Variants in PLEKHG1 observed in about 807,000 individuals in gnomAD.
PLEKHG1 encodes pleckstrin homology and RhoGEF domain containing G1, also known as pleckstrin homology domain-containing family G member 1.
In PLEKHG1, 44 loss-of-function variants were observed where a neutral mutation model predicts 100.8. The ratio of observed to expected loss-of-function variants is 0.44; its 90% CI spans 0.34 to 0.56. The LOEUF (loss-of-function observed/expected upper bound fraction) is 0.56. Among genes scored for constraint, PLEKHG1 ranks in the 20% least tolerant of loss-of-function variants. The probability of loss-of-function intolerance (pLI) is 0.01; values close to 1 mark genes in which losing one functional copy is unlikely to be tolerated. For missense variants in PLEKHG1, 1,545 were observed against 1,720.9 expected (o/e 0.90, Z 1.81); for synonymous variants, 640 against 662.5 (o/e 0.97, Z 0.52).
chr6:150,656,078 C>T (rs1778958211), intron 3 of PLEKHG1, among the ~76,000 whole-genome samples: 1 of 151,496 alleles, frequency 6.6e-6, no homozygotes, highest in Non-Finnish European at 1.5e-5. Context: ...CACATGTATC[C>T]CAGAACTTAA....
Position 150,683,172 on chromosome 6 carries a change from G to A in PLEKHG1, c.-99+32386G>A, listed in dbSNP as rs978170468. On this transcript the variant is annotated intron_variant, in intron 3 of 3. Coordinates refer to the PLEKHG1 transcript ENST00000367326. This position sits in a 1 kb window ranked among gnomAD's most constrained non-coding sequence, Gnocchi z 4.0. ...ATGGCCCGAGTCAACCTTATCCTCT[G>A]TAGAGGGCAGATGGGGACAGTATTT... 1.3e-4 allele frequency among the ~76,000 whole-genome samples: 20 copies of A among 152,230 alleles called. No individual in the cohort carries two copies. The highest frequency in any genetic ancestry group is 2.9e-4 in the Non-Finnish European group (20 of 68,050).
chr6:150,610,637 C>G (rs1049338140), intron 1 of PLEKHG1, among the ~76,000 whole-genome samples: 3 of 152,058 alleles, frequency 2.0e-5, no homozygotes, highest in Admixed American at 6.5e-5. Context: ...AAAAAAAGAG[C>G]AGGAAAAGGA....
chr6:150,672,264 T>C (rs1015773484), intron 3 of PLEKHG1, among the ~76,000 whole-genome samples: 6 of 152,198 alleles, frequency 3.9e-5, no homozygotes, highest in African/African-American at 1.4e-4. Flanking sequence ...CCTCCTTCTC[T>C]CTATATAGTG....
chr6:150,734,356 T>C (rs1782454308), intron 2 of PLEKHG1, among the ~76,000 whole-genome samples: 1 of 152,308 alleles, frequency 6.6e-6, no homozygotes, highest in Admixed American at 6.5e-5. Context: ...TAATAAATCC[T>C]ACACCCCAGA....
intron 2 of PLEKHG1, among the ~76,000 whole-genome samples, chr6:150,766,128 C>G (rs1431779534): frequency 6.6e-6 from 1 of 152,192 alleles, no homozygotes; most frequent in African/African-American, 2.4e-5. Flanking sequence ...CACAGAACAT[C>G]ATTCAAATGG....
At position 150,763,024 on chromosome 6, in the gene PLEKHG1, CTT is replaced by C. The variant is rs60462437; in HGVS notation, c.412-5595_412-5594del. Among the ~76,000 whole-genome samples the C allele has an allele frequency of 3.7e-4, 28 of 76,502 alleles. 1 individual carries two copies. The highest frequency in any genetic ancestry group is 1.5e-3 in the African/African-American group (22 of 14,470). The allele number at this position is 76,502 out of a possible 152,430, so 50.2% of individuals were successfully genotyped here. ...AGCACCAACAGGAGGGATAAAGCTT[CTT>C]TTTTTTTTTTTTTTTTTTGAGACGG... On this transcript the variant is annotated intron_variant, in intron 2 of 15. Transcript: ENST00000358517.
In PLEKHG1 at chr6:150,821,375, G is replaced by A. The variant is rs534120097; in HGVS notation, c.1447+142G>A. ...AAAAGATTAACTTCTGTAAATAAAA[G>A]TGTCCCATTATAAAATATATAGTCA... On this transcript the variant is annotated intron_variant, in intron 13 of 15. Transcript: ENST00000358517. 5.5e-5 allele frequency: 37 copies of A among 675,964 alleles called. No homozygotes were observed. In the African/African-American group the frequency reaches 6.2e-4, roughly 11 times the overall value. 41.9% of individuals were successfully genotyped at this position (675,964 alleles called of 1,614,324 possible).
intron 14 of PLEKHG1, among the ~76,000 whole-genome samples, chr6:150,824,101 C>T (rs1418658343): frequency 2.6e-5 from 4 of 152,230 alleles, no homozygotes; most frequent in Non-Finnish European, 5.9e-5. Context: ...GAGGGGCCCC[C>T]TTCTAAGAAT....
intron 4 of PLEKHG1, among the ~76,000 whole-genome samples, chr6:150,789,381 AC>A (rs1437080185): frequency 6.6e-6 from 1 of 152,196 alleles, no homozygotes; most frequent in Non-Finnish European, 1.5e-5. Context: ...GGAGCTGTTG[AC>A]TTTTATGTGA....
At chr6:150,837,233 G>T (rs1777275933) in intron 15 of PLEKHG1, among the ~76,000 whole-genome samples, 1 of 150,492 alleles carries the variant, frequency 6.6e-6, no homozygotes, top group African/African-American at 2.5e-5. Flanking sequence ...AATTGTGTGT[G>T]TCTGCATGTG....
At chr6:150,618,163 ATG>A (rs1777147162) in intron 1 of PLEKHG1, among the ~76,000 whole-genome samples, 1 of 152,226 alleles carries the variant, frequency 6.6e-6, no homozygotes, top group Non-Finnish European at 1.5e-5. Flanking sequence ...TAATAGGTGA[ATG>A]TAGTTTTGAC....
chr6:150,753,853 G>C (rs901491328), intron 2 of PLEKHG1, among the ~76,000 whole-genome samples: 1 of 152,226 alleles, frequency 6.6e-6, no homozygotes. Context: ...TCAAGATTCT[G>C]TACAGCCCTC....
At chr6:150,735,389 C>T (rs1458357193) in intron 2 of PLEKHG1, among the ~76,000 whole-genome samples, 1 of 152,166 alleles carries the variant, frequency 6.6e-6, no homozygotes, top group African/African-American at 2.4e-5. Flanking sequence ...TAGACATTGA[C>T]TCTAGAGTAT....
chr6:150,645,510 T>G (rs1304388243), intron 2 of PLEKHG1, among the ~76,000 whole-genome samples: 1 of 152,188 alleles, frequency 6.6e-6, no homozygotes, highest in Non-Finnish European at 1.5e-5. Flanking sequence ...ATAACAGACC[T>G]ATGGATTTAT....
chr6:150,832,860 T>C (rs1340631597), intron 15 of PLEKHG1, among the ~76,000 whole-genome samples: 1 of 151,514 alleles, frequency 6.6e-6, no homozygotes, highest in Non-Finnish European at 1.5e-5. Flanking sequence ...ACATTTTTTG[T>C]AGAGAAGGGG....
At chr6:150,601,055 T>C (rs1428499326) in intron 1 of PLEKHG1, among the ~76,000 whole-genome samples, 2 of 152,138 alleles carry the variant, frequency 1.3e-5, no homozygotes, top group African/African-American at 4.8e-5. Flanking sequence ...TTTGAACAGA[T>C]TGGATACAGA....
chr6:150,814,167 A>G (rs1787719934), intron 10 of PLEKHG1, among the ~76,000 whole-genome samples: 1 of 152,174 alleles, frequency 6.6e-6, no homozygotes, highest in Non-Finnish European at 1.5e-5. Context: ...CATTTTCTTT[A>G]TGATTAGTCA....
At chr6:150,808,387 G>T (rs148437344) in intron 7 of PLEKHG1, among the ~76,000 whole-genome samples, 2 of 151,854 alleles carry the variant, frequency 1.3e-5, no homozygotes, top group Admixed American at 1.3e-4. Context: ...TTCAGTATCC[G>T]GAAGAAAGTC....
At chr6:150,768,259 A>G (rs1712886751) in intron 2 of PLEKHG1, among the ~76,000 whole-genome samples, 1 of 152,200 alleles carries the variant, frequency 6.6e-6, no homozygotes, top group South Asian at 2.1e-4. Context: ...CAGAATTTTT[A>G]TTTCTGGTTT....
Sources: allele counts gnomAD v4.1 joint callset (sites outside exome capture counted in the v4.1 genomes callset), GRCh38; gene constraint gnomAD v4.1.1; non-coding constraint Gnocchi (gnomAD v3.1); transcripts MANE v1.5; gene names NCBI Gene and HGNC (gene_info 2026-07-23, HGNC 2026-07-21).